The following PDE4D variants were observed in gnomAD, a reference collection of about 807,000 sequenced individuals.
PDE4D encodes the protein 3',5'-cyclic-AMP phosphodiesterase 4D.
In PDE4D, 24 loss-of-function variants were observed where a neutral mutation model predicts 87.4. That is an observed-to-expected ratio of 0.27 (90% confidence interval 0.20 to 0.39). PDE4D has a LOEUF of 0.39. PDE4D is among the 10% of genes least tolerant of loss of function. The pLI is 1.00. For synonymous variants in PDE4D, 384 were observed against 383.2 expected, an observed-to-expected ratio of 1.00 and a Z score of -0.02; for missense variants, 714 against 1,041.0, an observed-to-expected ratio of 0.69 and a Z score of 4.32.
chr5:58,988,751 T>G (rs1311446891), intron 10 of PDE4D, among the ~76,000 whole-genome samples, 159 bp from the exon 11 acceptor site: 1 of 152,208 alleles, frequency 6.6e-6, no homozygotes, highest in Non-Finnish European at 1.5e-5. Flanking sequence ...CTTGTGAACT[T>G]TTAAAGTATA....
chr5:59,189,085 G>A (rs998589853), intron 3 of PDE4D, among the ~76,000 whole-genome samples: 1 of 152,054 alleles, frequency 6.6e-6, no homozygotes, highest in Admixed American at 6.6e-5. Flanking sequence ...GGACAGGCAG[G>A]AATATGAGAA....
intron 1 of PDE4D, among the ~76,000 whole-genome samples, chr5:60,445,928 T>C (rs1745606408): frequency 6.6e-6 from 1 of 152,128 alleles, no homozygotes; most frequent in Non-Finnish European, 1.5e-5. Flanking sequence ...AAACAACCTA[T>C]AGACACATGG....
chr5:60,440,143 C>T (rs78627725), intron 1 of PDE4D, among the ~76,000 whole-genome samples: 4,155 of 152,166 alleles, frequency 0.027, 88 homozygotes, highest in Middle Eastern at 0.079. Flanking sequence ...AGCAAGCTAA[C>T]GACAAAAACG....
At chr5:60,202,861 G>A (rs79428905) in intron 1 of PDE4D, among the ~76,000 whole-genome samples, 2,362 of 152,002 alleles carry the variant, frequency 0.016, 48 homozygotes, top group African/African-American at 0.054. Flanking sequence ...TGATGTATTT[G>A]GCAAATACAT....
intron 1 of PDE4D, chr5:59,357,040 C>T: frequency 1.9e-6 from 1 of 527,766 alleles, no homozygotes; most frequent in Non-Finnish European, 3.0e-6. Context: ...GCCAGGACTT[C>T]CTGCTGCATG....
At chr5:60,331,728 A>G (rs4394088) in intron 1 of PDE4D, among the ~76,000 whole-genome samples, 3 of 152,050 alleles carry the variant, frequency 2.0e-5, no homozygotes, top group Non-Finnish European at 4.4e-5. Flanking sequence ...TCTGAAATGC[A>G]GGGCTGGGCA....
intron 1 of PDE4D, among the ~76,000 whole-genome samples, chr5:59,771,755 A>T (rs549447542): frequency 1.3e-5 from 2 of 152,342 alleles, no homozygotes; most frequent in South Asian, 4.1e-4. Context: ...GCTAAATAGT[A>T]GATATAACAA....
At chr5:59,602,155 A>G (rs1486534140) in intron 1 of PDE4D, among the ~76,000 whole-genome samples, 1 of 152,138 alleles carries the variant, frequency 6.6e-6, no homozygotes, top group Non-Finnish European at 1.5e-5. Context: ...CATTAACAGA[A>G]CAAAGGACGA....
intron 6 of PDE4D, among the ~76,000 whole-genome samples, chr5:59,020,556 C>T (rs1261699128): frequency 6.6e-6 from 1 of 151,996 alleles, no homozygotes; most frequent in Admixed American, 6.6e-5. Flanking sequence ...TTTGTATTTG[C>T]TACAAGACAG....
intron 1 of PDE4D, among the ~76,000 whole-genome samples, chr5:59,668,754 GAAAGAAGAAAGAA>G (rs1389666473): frequency 2.2e-5 from 3 of 137,112 alleles, no homozygotes; most frequent in East Asian, 2.0e-4. Context: ...AGAAGAAGAA[GAAAGAAGAAAGAA>G]GAAGAAGAAA....
At chr5:60,067,683 C>T (rs981026175) in intron 2 of PDE4D, among the ~76,000 whole-genome samples, 6 of 152,036 alleles carry the variant, frequency 3.9e-5, no homozygotes, top group Admixed American at 2.0e-4. Flanking sequence ...TTGACTGAAA[C>T]TTTACGCCCA....
intron 1 of PDE4D, among the ~76,000 whole-genome samples, chr5:59,297,833 A>G (rs1769386050): frequency 6.6e-6 from 1 of 152,188 alleles, no homozygotes; most frequent in African/African-American, 2.4e-5. Flanking sequence ...TTTAAAGCTG[A>G]TAAAGGAAGG....
At chr5:59,565,190 G>A (rs1820673963) in intron 1 of PDE4D, among the ~76,000 whole-genome samples, 1 of 152,082 alleles carries the variant, frequency 6.6e-6, no homozygotes, top group Non-Finnish European at 1.5e-5. Flanking sequence ...AGGAGAATGG[G>A]ACAGGTGGTG....
intron 1 of PDE4D, among the ~76,000 whole-genome samples, chr5:59,524,213 A>G (rs1299520000): frequency 6.6e-6 from 1 of 152,188 alleles, no homozygotes; most frequent in Non-Finnish European, 1.5e-5. Flanking sequence ...GCAACTTCCT[A>G]GAGACTTGGA....
chr5:60,444,424 T>G (rs745555279), intron 1 of PDE4D, among the ~76,000 whole-genome samples: 3 of 152,226 alleles, frequency 2.0e-5, no homozygotes, highest in African/African-American at 2.4e-5. Flanking sequence ...AAAAACACAG[T>G]CCTTATTCCC....
intron 11 of PDE4D, among the ~76,000 whole-genome samples, chr5:58,987,296 G>C (rs536624058): frequency 6.6e-6 from 1 of 152,270 alleles, no homozygotes; most frequent in East Asian, 1.9e-4. Context: ...AACATGAAAT[G>C]TTATCCTGTC....
At chr5:59,665,186 T>C (rs1419867684) in intron 1 of PDE4D, among the ~76,000 whole-genome samples, 2 of 152,206 alleles carry the variant, frequency 1.3e-5, no homozygotes, top group African/African-American at 2.4e-5. Context: ...AGTATGCACA[T>C]TGAGTTCCCT....
intron 2 of PDE4D, among the ~76,000 whole-genome samples, chr5:60,118,549 G>T (rs1003613205): frequency 1.2e-4 from 17 of 138,448 alleles, no homozygotes; most frequent in African/African-American, 4.7e-4. Flanking sequence ...TGTTTTTCAG[G>T]ATGGATGTAG....
chr5:60,004,689 A>T (rs1312532149), intron 2 of PDE4D, among the ~76,000 whole-genome samples: 1 of 152,150 alleles, frequency 6.6e-6, no homozygotes, highest in African/African-American at 2.4e-5. Context: ...TCCAAAGATG[A>T]CATACAAATG....
Sources: allele counts gnomAD v4.1 joint callset (sites outside exome capture counted in the v4.1 genomes callset), GRCh38; gene constraint gnomAD v4.1.1; transcripts MANE v1.5; gene names NCBI Gene and HGNC (gene_info 2026-07-23, HGNC 2026-07-21).